RPRD1B: variants seen among roughly 807,000 people sequenced by gnomAD.
RPRD1B encodes the protein regulation of nuclear pre-mRNA domain-containing protein 1B.
Under a neutral mutation model 41.5 loss-of-function variants are expected in RPRD1B, and 11 were observed. That is an observed-to-expected ratio of 0.27 (90% CI 0.17 to 0.44). The LOEUF (loss-of-function observed/expected upper bound fraction) is 0.44. RPRD1B is among the 20% of genes least tolerant of loss of function. The pLI is 1.00. For missense variants in RPRD1B, 248 were observed against 389.9 expected, an observed-to-expected ratio of 0.64 and a Z score of 3.06; for synonymous variants, 158 against 155.6, an observed-to-expected ratio of 1.02 and a Z score of -0.12.
chr20:38,082,510 C>G (rs1429304387), intron 6 of RPRD1B, among the ~76,000 whole-genome samples: 2 of 152,146 alleles, frequency 1.3e-5, no homozygotes, highest in African/African-American at 4.8e-5. Flanking sequence ...CCTCAGCCTC[C>G]CGAGCAGCTG....
intron 1 of RPRD1B, among the ~76,000 whole-genome samples, chr20:38,040,159 C>G (rs1029208573): frequency 6.6e-6 from 1 of 152,156 alleles, no homozygotes; most frequent in Non-Finnish European, 1.5e-5. Context: ...TTTAGGAATT[C>G]TCTTTGGATT....
intron 6 of RPRD1B, among the ~76,000 whole-genome samples, chr20:38,081,793 G>T (rs541158520): frequency 6.6e-6 from 1 of 152,144 alleles, no homozygotes; most frequent in South Asian, 2.1e-4. Context: ...AGCCTTTTCT[G>T]CATCTGTTGA....
chr20:38,037,731 A>G (rs540261001), intron 1 of RPRD1B, among the ~76,000 whole-genome samples: 4 of 152,324 alleles, frequency 2.6e-5, no homozygotes, highest in African/African-American at 9.6e-5. Context: ...GGGTGATGAA[A>G]ATTAATTGGC....
At chr20:38,042,403 A>G (rs1185523412) in intron 2 of RPRD1B, among the ~76,000 whole-genome samples, 1 of 152,150 alleles carries the variant, frequency 6.6e-6, no homozygotes, top group African/African-American at 2.4e-5. Flanking sequence ...TCCTGAAACC[A>G]AAAAGTAAAT....
rs1289628117 is a variant in RPRD1B at position 38,091,960 on chromosome 20, T to A, written c.*2085T>A. The A allele has an allele frequency of 1.0e-6, 1 of 985,768 alleles. No homozygotes were observed. The highest frequency in any genetic ancestry group is 1.2e-6 in the Non-Finnish European group (1 of 829,940). 61.1% of individuals were successfully genotyped at this position (985,768 alleles called of 1,614,324 possible). A position where few individuals can be genotyped will look rare whatever the true frequency, so the allele number is the denominator to read the frequency against. Reference sequence around the variant, plus strand: ...ACTAGTGGACTTCCTGTGAGGAAGTTAGTTTTTTGTTTTGATGAAATGCTT... The same window carrying A: ...ACTAGTGGACTTCCTGTGAGGAAGTAAGTTTTTTGTTTTGATGAAATGCTT... On this transcript the variant is annotated 3_prime_UTR_variant, in exon 7 of 7. Transcript: ENST00000373433.
chr20:38,049,367 CTTTTTTTT>C (rs11481142), intron 3 of RPRD1B, among the ~76,000 whole-genome samples: 998 of 93,444 alleles, frequency 0.011, 9 homozygotes, highest in African/African-American at 0.035. Flanking sequence ...TTCTTTTTTT[CTTTTTTTT>C]TTTTTTTTTT....
chr20:38,065,638 T>G (rs181862358), intron 5 of RPRD1B, among the ~76,000 whole-genome samples: 18 of 152,362 alleles, frequency 1.2e-4, no homozygotes, highest in African/African-American at 4.3e-4. Context: ...TGTGGGGTTT[T>G]TTGGTCTGAG....
In RPRD1B at chr20:38,040,565, G is replaced by T; in HGVS notation, c.281+1G>T. ...TGGATGCTTTTTCTCATGTTGCCAG[G>T]TATGTTGTCTGTTTTTTGGATTTGT... is the stretch of plus-strand genomic sequence containing the variant. On this transcript the variant is annotated splice_donor_variant, in intron 2 of 6. Coordinates refer to ENST00000373433, the MANE Select transcript of RPRD1B (RefSeq NM_021215.4). LOFTEE classifies it high-confidence loss of function. 6.3e-7 allele frequency: 1 copy of T among 1,585,218 alleles called. No individual in the cohort carries two copies. The highest frequency in any genetic ancestry group is 8.5e-7 in the Non-Finnish European group (1 of 1,171,220).
rs751165189 is a variant in RPRD1B at position 38,089,736 on chromosome 20, A to G, written c.842A>G (p.Gln281Arg). The change falls in exon 7 of 7, where the codon CAG becomes CGG. Residue 281 changes from glutamine (Q) to arginine (R), a missense_variant. Transcript: ENST00000373433. ...TCTTTATCTCCTTAGGAATACAAAC[A>G]GAAGCTTGCACGAGTAACCCAGGTC... is the stretch of plus-strand genomic sequence containing the variant. ...EKEKKLEEYK[Q>R]KLARVTQVRK... 3 of 1,614,078 alleles carry G rather than the reference A, an allele frequency of 1.9e-6. 1 individual carries two copies. The highest frequency in any genetic ancestry group is 8.5e-7 in the Non-Finnish European group (1 of 1,179,966).
At chr20:38,069,299 T>C (rs1335692172) in intron 6 of RPRD1B, among the ~76,000 whole-genome samples, 1 of 152,160 alleles carries the variant, frequency 6.6e-6, no homozygotes, top group Admixed American at 6.5e-5. Flanking sequence ...CATATTCTGG[T>C]ATAAAAAACA....
chr20:38,043,779 A>T (rs555806170), intron 2 of RPRD1B, among the ~76,000 whole-genome samples: 15 of 152,300 alleles, frequency 9.8e-5, no homozygotes, highest in Admixed American at 9.8e-4. Flanking sequence ...TAGGTTTTTG[A>T]TGTAAGGAAT....
chr20:38,042,193 A>AT (rs1364307295), intron 2 of RPRD1B, among the ~76,000 whole-genome samples: 2 of 152,186 alleles, frequency 1.3e-5, no homozygotes, highest in African/African-American at 2.4e-5. Flanking sequence ...TCTACAAAAA[A>AT]TTTTTTAAAA....
chr20:38,089,741 C>T lies in RPRD1B; in HGVS notation c.847C>T (p.Leu283Phe). Residue 283 changes from leucine to phenylalanine, a missense_variant, in exon 7 of 7, where the codon CTT (leucine) becomes TTT (phenylalanine). Transcript: ENST00000373433. ...EKKLEEYKQK[L>F]ARVTQVRKEL... Reference sequence around the variant, plus strand: ...ATCTCCTTAGGAATACAAACAGAAGCTTGCACGAGTAACCCAGGTCCGCAA... The same window carrying T: ...ATCTCCTTAGGAATACAAACAGAAGTTTGCACGAGTAACCCAGGTCCGCAA... 1 of 1,614,066 alleles carries T rather than the reference C, an allele frequency of 6.2e-7. No individual in the cohort carries two copies. The highest frequency in any genetic ancestry group is 2.2e-5 in the East Asian group (1 of 44,878).
intron 1 of RPRD1B, among the ~76,000 whole-genome samples, chr20:38,036,049 C>T (rs1025183197): frequency 1.3e-5 from 2 of 152,102 alleles, no homozygotes; most frequent in Non-Finnish European, 2.9e-5. Flanking sequence ...CAGGTGTGAG[C>T]CACCACGCCT....
chr20:38,064,474 C>T (rs1235037371), intron 5 of RPRD1B, among the ~76,000 whole-genome samples: 1 of 152,228 alleles, frequency 6.6e-6, no homozygotes. Context: ...CTGCCGGAGT[C>T]TCTGGTGCCC....
intron 3 of RPRD1B, among the ~76,000 whole-genome samples, chr20:38,055,321 A>G (rs1030820786): frequency 3.3e-5 from 5 of 152,254 alleles, no homozygotes; most frequent in African/African-American, 1.2e-4. Flanking sequence ...ATTTAGATAC[A>G]TATCAGAGCA....
chr20:38,047,223 A>C (rs1368872165), intron 2 of RPRD1B, among the ~76,000 whole-genome samples: 1 of 152,224 alleles, frequency 6.6e-6, no homozygotes, highest in Non-Finnish European at 1.5e-5. Context: ...GACTTTAAAA[A>C]GTTTAACAAA....
chr20:38,048,213 A>G lies in RPRD1B; in HGVS notation c.282-135A>G, dbSNP rs75373779. 1,804 of 879,008 alleles carry G rather than the reference A, an allele frequency of 2.1e-3. 20 individuals are homozygous for G. The African/African-American group carries it at 0.026, about 13-fold the overall frequency. The allele number at this position is 879,008 out of a possible 1,614,324, so 54.5% of individuals were successfully genotyped here. A position where few individuals can be genotyped will look rare whatever the true frequency, so the allele number is the denominator to read the frequency against. Reference sequence around the variant, plus strand: ...AAGTTTTGGGTATCCAGGTATTACAATATGTACCTTATTTGGTTTTAAATG... The same window carrying G: ...AAGTTTTGGGTATCCAGGTATTACAGTATGTACCTTATTTGGTTTTAAATG... On this transcript the variant is annotated intron_variant, in intron 2 of 6. Transcript: ENST00000373433.
rs546326566 is a variant in RPRD1B at position 38,090,842 on chromosome 20, G to A, written c.*967G>A. 18 of 985,456 alleles carry A rather than the reference G, an allele frequency of 1.8e-5. No homozygotes were observed. The African/African-American group carries it at 2.8e-4, about 15-fold the overall frequency. The allele number at this position is 985,456 out of a possible 1,614,324, so 61.0% of individuals were successfully genotyped here. On this transcript the variant is annotated 3_prime_UTR_variant, in exon 7 of 7. Transcript: ENST00000373433. Reference sequence around the variant, plus strand: ...CTGTCTGGGTGCATGTCCACAGTACGGTGGCTAAACTCGAACATCACTGCA... The same window carrying A: ...CTGTCTGGGTGCATGTCCACAGTACAGTGGCTAAACTCGAACATCACTGCA...
Sources: gnomAD v4.1 joint callset for allele counts (sites outside exome capture counted in the v4.1 genomes callset) on GRCh38, gnomAD v4.1.1 for gene constraint, MANE v1.5 for transcripts, NCBI Gene and HGNC (gene_info 2026-07-23, HGNC 2026-07-21) for gene names.